Variants in PTPRR observed in about 807,000 individuals in gnomAD.
PTPRR encodes receptor-type tyrosine-protein phosphatase R.
Under a neutral mutation model 77.2 loss-of-function variants are expected in PTPRR, and 38 were observed. The observed-to-expected ratio is 0.49, with a 90% confidence interval of 0.38 to 0.65. PTPRR has a LOEUF of 0.65. Among genes scored for constraint, PTPRR ranks in the 30% least tolerant of loss-of-function variants. The probability of loss-of-function intolerance (pLI) is 0.00; values close to 1 mark genes in which losing one functional copy is unlikely to be tolerated. For synonymous variants in PTPRR, 299 were observed against 283.1 expected, an observed-to-expected ratio of 1.06 and a Z score of -0.57; for missense variants, 744 against 799.2, an observed-to-expected ratio of 0.93 and a Z score of 0.83.
chr12:70,843,491 T>C (rs892027488), intron 2 of PTPRR, among the ~76,000 whole-genome samples: 5 of 152,176 alleles, frequency 3.3e-5, no homozygotes, highest in African/African-American at 7.2e-5. Flanking sequence ...ATCTTCATAG[T>C]TAAGTGCACT....
intron 10 of PTPRR, among the ~76,000 whole-genome samples, chr12:70,674,908 G>A (rs1275828562): frequency 2.0e-5 from 3 of 151,838 alleles, no homozygotes; most frequent in African/African-American, 7.3e-5. Flanking sequence ...ATATTTGGGG[G>A]GAGGTTATGT....
At chr12:70,686,569 G>A (rs1454319688) in intron 8 of PTPRR, among the ~76,000 whole-genome samples, 2 of 152,172 alleles carry the variant, frequency 1.3e-5, no homozygotes, top group East Asian at 3.9e-4. Flanking sequence ...GGGATGGTGT[G>A]TGACTTGGTC....
rs537301267 is a variant in PTPRR at position 70,724,200 on chromosome 12, T to G, written c.1007+21618A>C. ...ATTCATTTTATAAGTGTATATAAAT[T>G]GCAAAATACTCCTCATACTGAATTT... On this transcript the variant is annotated intron_variant, in intron 6 of 13. Transcript: ENST00000283228. Among the ~76,000 whole-genome samples the G allele has an allele frequency of 5.9e-5, 9 of 152,310 alleles. No individual in the cohort carries two copies. The South Asian group carries it at 6.2e-4, about 11-fold the overall frequency.
chr12:70,721,404 T>C (rs1159202670), intron 6 of PTPRR, among the ~76,000 whole-genome samples: 1 of 152,180 alleles, frequency 6.6e-6, no homozygotes, highest in Admixed American at 6.6e-5. Flanking sequence ...GCACAACCCT[T>C]TCCTCGGCTG....
chr12:70,766,795 A>G (rs1890835340), intron 2 of PTPRR, among the ~76,000 whole-genome samples: 1 of 152,216 alleles, frequency 6.6e-6, no homozygotes, highest in African/African-American at 2.4e-5. Context: ...CGGGAAGCCC[A>G]TCAGACTAAC....
At chr12:70,778,525 ATTC>A (rs1364009701) in intron 2 of PTPRR, among the ~76,000 whole-genome samples, 1 of 152,176 alleles carries the variant, frequency 6.6e-6, no homozygotes, top group Non-Finnish European at 1.5e-5. Flanking sequence ...GCAACTATAT[ATTC>A]TTCATCTTTC....
At chr12:70,899,983 C>CAT (rs571270646) in intron 1 of PTPRR, among the ~76,000 whole-genome samples, 1 of 151,316 alleles carries the variant, frequency 6.6e-6, no homozygotes, top group African/African-American at 2.4e-5. Flanking sequence ...GTGCAAGATA[C>CAT]ATATATATAC....
At chr12:70,768,521 C>T (rs1046792290) in intron 2 of PTPRR, among the ~76,000 whole-genome samples, 2 of 152,162 alleles carry the variant, frequency 1.3e-5, no homozygotes, top group South Asian at 2.1e-4. Context: ...TAATCAATAA[C>T]TTACCAACCA....
intron 13 of PTPRR, among the ~76,000 whole-genome samples, chr12:70,650,911 T>C (rs1886371172): frequency 6.6e-6 from 1 of 152,252 alleles, no homozygotes; most frequent in African/African-American, 2.4e-5. Context: ...TGCAGTCATA[T>C]ACCTCTCACC....
intron 13 of PTPRR, among the ~76,000 whole-genome samples, chr12:70,649,080 A>G (rs928241186): frequency 6.6e-6 from 1 of 152,202 alleles, no homozygotes; most frequent in Non-Finnish European, 1.5e-5. Context: ...TCCATTCAGC[A>G]TAACACATTC....
intron 1 of PTPRR, among the ~76,000 whole-genome samples, chr12:70,909,961 T>C (rs983608306): frequency 6.6e-6 from 1 of 152,228 alleles, no homozygotes; most frequent in Non-Finnish European, 1.5e-5. Context: ...TAAAAATTTA[T>C]AAGACGAAGG....
intron 10 of PTPRR, among the ~76,000 whole-genome samples, chr12:70,676,114 C>CT (rs1887436231): frequency 6.6e-6 from 1 of 151,778 alleles, no homozygotes; most frequent in Non-Finnish European, 1.5e-5. Context: ...CTTTCTCCTT[C>CT]TAAAACACCT....
At chr12:70,780,334 T>G (rs1359320982) in intron 2 of PTPRR, among the ~76,000 whole-genome samples, 1 of 152,188 alleles carries the variant, frequency 6.6e-6, no homozygotes, top group African/African-American at 2.4e-5. Flanking sequence ...TTTTATGCTA[T>G]ATTGGTTGTA....
intron 2 of PTPRR, among the ~76,000 whole-genome samples, chr12:70,799,916 A>C (rs1409219392): frequency 6.6e-6 from 1 of 152,166 alleles, no homozygotes; most frequent in Non-Finnish European, 1.5e-5. Context: ...GCTCATCATA[A>C]ATATTAATCA....
chr12:70,661,090 C>T lies in PTPRR; in HGVS notation c.1616G>A (p.Ser539Asn), dbSNP rs1468663608. The change falls in exon 12 of 14, where the codon AGC becomes AAC. Residue 539 changes from serine to asparagine, a missense_variant. Physicochemically the swap from Ser to Asn is conservative, Grantham distance 46. Coordinates refer to ENST00000283228, the MANE Select transcript of PTPRR (RefSeq NM_002849.4). ...TIRNLVLKQG[S>N]HTQHVKHYWY... The stretch of plus-strand genomic sequence containing the variant: ...GTAATGCTTCACATGTTGGGTGTGG[C>T]TTCCTTGCTGAAAATAGCAACAGCC... 2 of 1,608,322 alleles carry T rather than the reference C, an allele frequency of 1.2e-6. No individual in the cohort carries two copies. The highest frequency in any genetic ancestry group is 2.7e-5 in the African/African-American group (2 of 74,966).
intron 2 of PTPRR, among the ~76,000 whole-genome samples, chr12:70,860,477 G>A (rs1253211879): frequency 1.3e-5 from 2 of 152,074 alleles, no homozygotes; most frequent in African/African-American, 4.8e-5. Flanking sequence ...TTAATGTATG[G>A]ATACTTAGTT....
intron 6 of PTPRR, among the ~76,000 whole-genome samples, chr12:70,729,128 A>G (rs1344480833): frequency 6.6e-6 from 1 of 152,198 alleles, no homozygotes; most frequent in Non-Finnish European, 1.5e-5. Flanking sequence ...ATTTAAATAC[A>G]GATTATAGAA....
intron 13 of PTPRR, among the ~76,000 whole-genome samples, chr12:70,653,267 G>A (rs892663863): frequency 6.6e-6 from 1 of 152,162 alleles, no homozygotes; most frequent in Admixed American, 6.5e-5. Flanking sequence ...CCTGTGTGAA[G>A]ACAGGCCCTA....
At chr12:70,764,213 A>C (rs932556589) in intron 3 of PTPRR, among the ~76,000 whole-genome samples, 4 of 152,002 alleles carry the variant, frequency 2.6e-5, no homozygotes, top group African/African-American at 9.7e-5. Flanking sequence ...AATGTCTGGA[A>C]ACTGCCTCAC....
Sources: gnomAD v4.1 joint callset for allele counts (sites outside exome capture counted in the v4.1 genomes callset) on GRCh38, gnomAD v4.1.1 for gene constraint, MANE v1.5 for transcripts, NCBI Gene and HGNC (gene_info 2026-07-23, HGNC 2026-07-21) for gene names.